UBXN2A: variants seen among roughly 807,000 people sequenced by gnomAD.
UBXN2A encodes the protein UBX domain-containing protein 2A.
UBXN2A carries 28 observed loss-of-function variants against 28.4 expected under a neutral mutation model. The ratio of observed to expected loss-of-function variants is 0.99; its 90% CI spans 0.73 to 1.35. The LOEUF is 1.35. Among genes scored for constraint, UBXN2A ranks in the 40% most tolerant of loss-of-function variants. The pLI is 0.00. For synonymous variants in UBXN2A, 97 were observed against 103.6 expected, an observed-to-expected ratio of 0.94 and a Z score of 0.39; for missense variants, 253 against 297.9, an observed-to-expected ratio of 0.85 and a Z score of 1.11.
chr2:23,934,834 G>A (rs1266051800), intron 1 of UBXN2A, among the ~76,000 whole-genome samples: 3 of 152,182 alleles, frequency 2.0e-5, no homozygotes, highest in Admixed American at 6.5e-5. Flanking sequence ...AGCACTTTGG[G>A]AGCCCAAGGT....
chr2:23,944,050 C>A, intron 1 of UBXN2A: 1 of 589,614 alleles, frequency 1.7e-6, no homozygotes, highest in South Asian at 1.6e-5. Context: ...ATGTCGATGT[C>A]CATCTGCCAC....
chr2:23,975,741 C>T (rs561920234), intron 3 of UBXN2A, among the ~76,000 whole-genome samples: 12 of 152,172 alleles, frequency 7.9e-5, no homozygotes, highest in African/African-American at 2.6e-4. Context: ...TGGGTTCAAG[C>T]GATTCTCCTA....
chr2:23,999,213 C>T (rs146754443), intron 6 of UBXN2A, among the ~76,000 whole-genome samples: 16 of 152,236 alleles, frequency 1.1e-4, no homozygotes, highest in African/African-American at 2.9e-4. Flanking sequence ...GGCTACATGA[C>T]GATCATGATA....
At chr2:23,944,388 ATTG>A (rs1452724793) in intron 1 of UBXN2A, 1 of 1,341,142 alleles carries the variant, frequency 7.5e-7, no homozygotes, top group Non-Finnish European at 1.1e-6. Context: ...CCTACACATT[ATTG>A]TATTCACCCA....
At position 23,984,799 on chromosome 2, in the gene UBXN2A, A is replaced by G; in HGVS notation, c.552A>G (p.Lys184=). 1 of 1,559,264 alleles carries G rather than the reference A, an allele frequency of 6.4e-7. No individual in the cohort carries two copies. Among genetic ancestry groups the G allele is most frequent in the Non-Finnish European group, 8.6e-7 (1 of 1,163,558 alleles). ...TACAGATCTGGTTGGCCAATGGAAA[A>G]AGGATTGTCCAGAAATTTAACATTA... is the stretch of plus-strand genomic sequence containing the variant. The part of the protein sequence containing the change: ...TNIQIWLANG[K]RIVQKFNITH... Residue 184 remains lysine, a synonymous_variant, in exon 6 of 7, where the codon AAA becomes AAG. Transcript: ENST00000309033.
chr2:23,967,547 G>A (rs1293729632), intron 2 of UBXN2A, among the ~76,000 whole-genome samples: 4 of 152,198 alleles, frequency 2.6e-5, no homozygotes, highest in Non-Finnish European at 5.9e-5. Flanking sequence ...TGTGAAATGA[G>A]TGGTGGTATC....
chr2:23,948,812 A>C (rs1392753500), intron 1 of UBXN2A, among the ~76,000 whole-genome samples: 4 of 152,226 alleles, frequency 2.6e-5, no homozygotes, highest in Non-Finnish European at 5.9e-5. Flanking sequence ...TTGCTGTCAT[A>C]AAACAAGTAA....
At chr2:23,982,813 T>A in intron 4 of UBXN2A, 83 bp from the exon 5 acceptor site, 1 of 1,392,898 alleles carries the variant, frequency 7.2e-7, no homozygotes, top group Non-Finnish European at 9.6e-7. Context: ...TTTCTACATA[T>A]TCATTTTTTG....
Position 24,004,356 on chromosome 2 carries a change from T to C in UBXN2A, c.*4489T>C, listed in dbSNP as rs992134546. 5.3e-5 allele frequency: 8 copies of C among 152,184 alleles called. No homozygotes were observed. Among genetic ancestry groups the C allele is most frequent in the African/African-American group, 1.7e-4 (7 of 41,454 alleles). The allele number at this position is 152,184 out of a possible 1,614,324, so 9.4% of individuals were successfully genotyped here. A position where few individuals can be genotyped will look rare whatever the true frequency, so the allele number is the denominator to read the frequency against. On this transcript the variant is annotated 3_prime_UTR_variant, in exon 7 of 7. Transcript: ENST00000309033. ...TTGAAAATAATTGTTAGGGCTGATA[T>C]ATAGAAATACATATCTAGGCCAGGC... is the stretch of plus-strand genomic sequence containing the variant.
intron 1 of UBXN2A, among the ~76,000 whole-genome samples, chr2:23,957,063 A>G (rs1478931418): frequency 2.0e-5 from 3 of 152,140 alleles, no homozygotes; most frequent in Non-Finnish European, 2.9e-5. Flanking sequence ...AATAGTTGTT[A>G]TGTAATTTTA....
rs751166100 is a variant in UBXN2A at position 23,971,425 on chromosome 2, G to A, written c.180+11G>A. The A allele has an allele frequency of 1.3e-6, 2 of 1,517,816 alleles. No individual in the cohort carries two copies. The highest frequency in any genetic ancestry group is 1.8e-6 in the Non-Finnish European group (2 of 1,122,656). 94.0% of individuals were successfully genotyped at this position (1,517,816 alleles called of 1,614,324 possible). ...GAACAGAAGAAACAGGTAAATAAAT[G>A]TCTATTACTTTTCTTTTTCTTTCAG... On this transcript the variant is annotated intron_variant, in intron 3 of 6. Coordinates refer to ENST00000309033, the MANE Select transcript of UBXN2A (RefSeq NM_181713.4).
intron 1 of UBXN2A, among the ~76,000 whole-genome samples, chr2:23,928,502 G>A (rs12616768): frequency 0.11 from 16,651 of 151,480 alleles, 994 homozygotes; most frequent in Middle Eastern, 0.18. Flanking sequence ...GCTTGAACCC[G>A]GGAGGCAGAG....
intron 2 of UBXN2A, among the ~76,000 whole-genome samples, chr2:23,969,842 A>C (rs1319847929): frequency 6.6e-6 from 1 of 152,180 alleles, no homozygotes; most frequent in African/African-American, 2.4e-5. Context: ...ATAAATCACT[A>C]TAAATAATGT....
At chr2:23,967,905 A>C (rs990838248) in intron 2 of UBXN2A, among the ~76,000 whole-genome samples, 1 of 152,134 alleles carries the variant, frequency 6.6e-6, no homozygotes, top group Non-Finnish European at 1.5e-5. Context: ...GAGTATCGGC[A>C]TTTTAGTAAC....
chr2:23,931,582 G>A (rs1045890391), intron 1 of UBXN2A, among the ~76,000 whole-genome samples: 12 of 152,118 alleles, frequency 7.9e-5, no homozygotes, highest in African/African-American at 2.7e-4. Flanking sequence ...TGCAAGAGGT[G>A]GCAAGATACT....
In UBXN2A at chr2:23,984,792, A is replaced by G. The variant is rs149847179; in HGVS notation, c.545A>G (p.Asn182Ser). 9.0e-6 allele frequency: 14 copies of G among 1,560,686 alleles called. No homozygotes were observed. The highest frequency in any genetic ancestry group is 7.0e-5 in the African/African-American group (5 of 71,002). The change falls in exon 6 of 7, where the codon AAT becomes AGT. Residue 182 changes from asparagine to serine, a missense_variant. Asn to Ser is a conservative substitution (Grantham distance 46). Transcript: ENST00000309033. ...ACTAATATACAGATCTGGTTGGCCA[A>G]TGGAAAAAGGATTGTCCAGAAATTT... ...PITNIQIWLA[N>S]GKRIVQKFNI...
chr2:23,938,520 C>G (rs1280885775), upstream of UBXN2A, among the ~76,000 whole-genome samples: 1 of 150,356 alleles, frequency 6.7e-6, no homozygotes, highest in African/African-American at 2.4e-5. Context: ...CAATTCAAAG[C>G]AATCCCTGTC....
intron 1 of UBXN2A, among the ~76,000 whole-genome samples, chr2:23,957,165 G>A (rs1221034530): frequency 6.6e-6 from 1 of 151,942 alleles, no homozygotes; most frequent in African/African-American, 2.4e-5. Flanking sequence ...CAGGTGCATA[G>A]GGCTGTTGCC....
chr2:23,991,280 T>A (rs1193917404), intron 6 of UBXN2A, among the ~76,000 whole-genome samples: 1 of 152,116 alleles, frequency 6.6e-6, no homozygotes, highest in Non-Finnish European at 1.5e-5. Context: ...ATTGTGTTTT[T>A]CTGATTAATT....
Sources: gnomAD v4.1 joint callset for allele counts (sites outside exome capture counted in the v4.1 genomes callset) on GRCh38, gnomAD v4.1.1 for gene constraint, MANE v1.5 for transcripts, NCBI Gene and HGNC (gene_info 2026-07-23, HGNC 2026-07-21) for gene names.